ANKS1B: variants seen among roughly 807,000 people sequenced by gnomAD.
ANKS1B encodes ankyrin repeat and sterile alpha motif domain-containing protein 1B.
Under a neutral mutation model 148.3 loss-of-function variants are expected in ANKS1B, and 36 were observed. The ratio of observed to expected loss-of-function variants is 0.24; its 90% CI spans 0.19 to 0.32. The LOEUF (loss-of-function observed/expected upper bound fraction) is 0.32, where lower values mean the gene tolerates loss of function less well. Among genes scored for constraint, ANKS1B ranks in the 10% least tolerant of loss-of-function variants. ANKS1B has a pLI of 1.00. For missense variants in ANKS1B, 1,157 were observed against 1,542.6 expected (o/e 0.75, Z 4.19); for synonymous variants, 542 against 560.8 (o/e 0.97, Z 0.47).
intron 8 of ANKS1B, among the ~76,000 whole-genome samples, chr12:99,714,063 T>G (rs1323758324): frequency 6.6e-6 from 1 of 152,194 alleles, no homozygotes; most frequent in African/African-American, 2.4e-5. Context: ...AAAATTAAAG[T>G]GTCATAATCT....
At chr12:98,862,029 T>C (rs1475535756) in intron 17 of ANKS1B, among the ~76,000 whole-genome samples, 1 of 152,232 alleles carries the variant, frequency 6.6e-6, no homozygotes, top group Non-Finnish European at 1.5e-5. Flanking sequence ...TTCTTTCTTT[T>C]TAAAAATTCA....
At chr12:99,373,466 T>C (rs1404541774) in intron 12 of ANKS1B, among the ~76,000 whole-genome samples, 1 of 152,140 alleles carries the variant, frequency 6.6e-6, no homozygotes, top group Non-Finnish European at 1.5e-5. Flanking sequence ...TCAGTTGCAA[T>C]GGCCCATCCT....
At chr12:99,134,693 A>ACG (rs2067386965) in intron 15 of ANKS1B, among the ~76,000 whole-genome samples, 1 of 119,174 alleles carries the variant, frequency 8.4e-6, no homozygotes, top group South Asian at 3.1e-4. Flanking sequence ...ACACACACAC[A>ACG]CACACACCAG....
At chr12:99,778,346 A>T (rs1157567408) in intron 6 of ANKS1B, among the ~76,000 whole-genome samples, 3 of 152,068 alleles carry the variant, frequency 2.0e-5, no homozygotes, top group Non-Finnish European at 4.4e-5. Context: ...CCTCTCTACT[A>T]AAAATACAAA....
chr12:99,812,738 A>G (rs945729283), intron 2 of ANKS1B, among the ~76,000 whole-genome samples: 1 of 151,760 alleles, frequency 6.6e-6, no homozygotes, highest in Non-Finnish European at 1.5e-5. Flanking sequence ...CAGATAGCCC[A>G]TATCTGAGAT....
chr12:99,310,255 C>G (rs2154025362), intron 12 of ANKS1B, among the ~76,000 whole-genome samples: 1 of 152,210 alleles, frequency 6.6e-6, no homozygotes, highest in Middle Eastern at 3.4e-3. Flanking sequence ...TATCACATAA[C>G]TGAAATATTA....
intron 19 of ANKS1B, among the ~76,000 whole-genome samples, chr12:98,821,956 T>C (rs542852285): frequency 6.6e-6 from 1 of 151,414 alleles, no homozygotes; most frequent in African/African-American, 2.4e-5. Context: ...ATAGGTTCTC[T>C]TTCTTGTAAC....
intron 8 of ANKS1B, among the ~76,000 whole-genome samples, chr12:99,714,475 C>A (rs1319719611): frequency 3.3e-5 from 5 of 152,316 alleles, no homozygotes; most frequent in South Asian, 2.1e-4. Context: ...ATTTTTCCAA[C>A]AGCATGTGCT....
intron 3 of ANKS1B, among the ~76,000 whole-genome samples, chr12:99,808,390 C>T (rs77716104): frequency 0.01 from 1,578 of 152,132 alleles, 26 homozygotes; most frequent in South Asian, 0.056. Flanking sequence ...TACTACTTTA[C>T]CTTGCAAATA....
At chr12:99,686,966 T>C (rs2098653132) in intron 8 of ANKS1B, among the ~76,000 whole-genome samples, 1 of 152,214 alleles carries the variant, frequency 6.6e-6, no homozygotes. Flanking sequence ...ACTTTCCATC[T>C]GATATCATTT....
chr12:99,937,128 T>A (rs2094797161), intron 1 of ANKS1B, among the ~76,000 whole-genome samples: 1 of 152,198 alleles, frequency 6.6e-6, no homozygotes, highest in African/African-American at 2.4e-5. Context: ...TCTGGATCTC[T>A]CTGAGTGCCC....
intron 8 of ANKS1B, among the ~76,000 whole-genome samples, chr12:99,750,673 C>T (rs981806119): frequency 6.6e-6 from 1 of 151,908 alleles, no homozygotes; most frequent in Non-Finnish European, 1.5e-5. Flanking sequence ...TGTTTCCAGG[C>T]CCATCCCCTT....
At chr12:99,610,752 A>T (rs2097895033) in intron 9 of ANKS1B, among the ~76,000 whole-genome samples, 1 of 152,120 alleles carries the variant, frequency 6.6e-6, no homozygotes, top group Admixed American at 6.6e-5. Flanking sequence ...ATAGGATTCA[A>T]CCTTTTTTAT....
intron 10 of ANKS1B, among the ~76,000 whole-genome samples, chr12:99,473,154 GTATA>G (rs1238660959): frequency 6.6e-6 from 1 of 151,764 alleles, no homozygotes; most frequent in East Asian, 1.9e-4. Flanking sequence ...TACTATTTAT[GTATA>G]TAGTCATTAG....
chr12:99,934,072 G>A (rs1215567597), intron 1 of ANKS1B, among the ~76,000 whole-genome samples: 4 of 152,060 alleles, frequency 2.6e-5, no homozygotes, highest in Admixed American at 2.6e-4. Context: ...ATGTATCACA[G>A]TGATTGATCT....
In ANKS1B at chr12:99,853,932, C is replaced by T. The variant is rs543342674; in HGVS notation, c.135-28543G>A. Among the ~76,000 whole-genome samples the T allele has an allele frequency of 1.6e-4, 24 of 152,036 alleles. No homozygotes were observed. The South Asian group carries it at 4.4e-3, about 28-fold the overall frequency. ...ACGCTTAGAGAAATGCAAAATGCAC[C>T]GGAAAGAATCAGCAACAGAATTGAA... is the stretch of plus-strand genomic sequence containing the variant. On this transcript the variant is annotated intron_variant, in intron 1 of 26. Coordinates refer to ENST00000683438, the MANE Select transcript of ANKS1B (RefSeq NM_001352186.2).
intron 8 of ANKS1B, among the ~76,000 whole-genome samples, chr12:99,712,348 A>G (rs2056755766): frequency 6.6e-6 from 1 of 152,190 alleles, no homozygotes; most frequent in Non-Finnish European, 1.5e-5. Flanking sequence ...ATATTTTACC[A>G]TAAACACACA....
intron 9 of ANKS1B, among the ~76,000 whole-genome samples, chr12:99,514,403 A>G (rs1234723977): frequency 6.6e-6 from 1 of 152,044 alleles, no homozygotes; most frequent in African/African-American, 2.4e-5. Context: ...AACTATCACA[A>G]ATCCAAAACT....
intron 9 of ANKS1B, among the ~76,000 whole-genome samples, chr12:99,631,680 A>G (rs2098162535): frequency 6.6e-6 from 1 of 152,230 alleles, no homozygotes; most frequent in Admixed American, 6.5e-5. Flanking sequence ...GCAAAAATCA[A>G]CAGTGATGAA....
Sources: gnomAD v4.1 joint callset for allele counts (sites outside exome capture counted in the v4.1 genomes callset) on GRCh38, gnomAD v4.1.1 for gene constraint, MANE v1.5 for transcripts, NCBI Gene and HGNC (gene_info 2026-07-23, HGNC 2026-07-21) for gene names.